The following SPOCK1 variants were observed in gnomAD, a reference collection of about 807,000 sequenced individuals.
SPOCK1 encodes SPARC (osteonectin), cwcv and kazal like domains proteoglycan 1.
In SPOCK1, 23 loss-of-function variants were observed where a neutral mutation model predicts 55.3. That is an observed-to-expected ratio of 0.42 (90% CI 0.30 to 0.59). The LOEUF (loss-of-function observed/expected upper bound fraction) is 0.59, where lower values mean the gene tolerates loss of function less well. SPOCK1 is among the 20% of genes least tolerant of loss of function. The pLI is 0.22. For missense variants in SPOCK1, 499 were observed against 552.5 expected, an observed-to-expected ratio of 0.90 and a Z score of 0.97; for synonymous variants, 226 against 221.0, an observed-to-expected ratio of 1.02 and a Z score of -0.20.
At chr5:137,411,580 T>C (rs1561528543) in intron 2 of SPOCK1, among the ~76,000 whole-genome samples, 1 of 152,202 alleles carries the variant, frequency 6.6e-6, no homozygotes, top group East Asian at 1.9e-4. Context: ...GGAATGCACC[T>C]TGGACTGGAA....
chr5:137,412,442 C>T (rs77893598), intron 2 of SPOCK1, among the ~76,000 whole-genome samples: 1,563 of 152,258 alleles, frequency 0.01, 23 homozygotes, highest in African/African-American at 0.035. Context: ...TAGATGTTTT[C>T]CAAGTAAAAT....
intron 3 of SPOCK1, among the ~76,000 whole-genome samples, chr5:137,215,802 AT>A (rs1755706627): frequency 6.6e-6 from 1 of 152,138 alleles, no homozygotes; most frequent in Admixed American, 6.5e-5. Context: ...ATAACTGCAC[AT>A]TTTTGATCTG....
At chr5:137,368,933 G>T (rs1385853738) in intron 2 of SPOCK1, among the ~76,000 whole-genome samples, 1 of 152,252 alleles carries the variant, frequency 6.6e-6, no homozygotes, top group Non-Finnish European at 1.5e-5. Flanking sequence ...AGCTAGGCAA[G>T]CTGTATTTCA....
At chr5:137,130,501 G>A (rs755885991) in intron 4 of SPOCK1, among the ~76,000 whole-genome samples, 32 of 152,210 alleles carry the variant, frequency 2.1e-4, no homozygotes, top group Non-Finnish European at 4.1e-4. Context: ...TCCTGCTGAA[G>A]CAACTACAGG....
chr5:137,415,495 C>T (rs537423188), intron 2 of SPOCK1, among the ~76,000 whole-genome samples: 23 of 152,338 alleles, frequency 1.5e-4, no homozygotes, highest in African/African-American at 5.5e-4. Context: ...AAGATGACAG[C>T]CAGGTCCTTC....
rs368708083 is a variant in SPOCK1 at position 137,418,581 on chromosome 5, C to T, written c.186+79792G>A. Among the ~76,000 whole-genome samples, 11 of 152,158 alleles carry T rather than the reference C, an allele frequency of 7.2e-5. No homozygotes were observed. In the East Asian group the frequency reaches 7.7e-4, roughly 11 times the overall value. On this transcript the variant is annotated intron_variant, in intron 2 of 10. Transcript: ENST00000394945. ...TGATGATGAGCATTTTTTCATGTGT[C>T]TTTTGGCTGCATGAATGTCTTTTTT... is the stretch of plus-strand genomic sequence containing the variant.
At chr5:137,211,818 T>G (rs1755623392) in intron 3 of SPOCK1, among the ~76,000 whole-genome samples, 1 of 152,126 alleles carries the variant, frequency 6.6e-6, no homozygotes, top group Admixed American at 6.5e-5. Flanking sequence ...ACTTTTGGAT[T>G]GTTGAACACA....
At chr5:137,275,483 C>T (rs7728523) in intron 2 of SPOCK1, among the ~76,000 whole-genome samples, 7,713 of 152,298 alleles carry the variant, frequency 0.051, 662 homozygotes, top group African/African-American at 0.18. Context: ...ACTCTGATGC[C>T]TGGCCCAGGG....
chr5:137,278,412 C>T (rs1284348778), intron 2 of SPOCK1, among the ~76,000 whole-genome samples: 1 of 152,220 alleles, frequency 6.6e-6, no homozygotes, highest in East Asian at 1.9e-4. Context: ...GTAGGCAAGC[C>T]TACCACAAAT....
chr5:137,450,059 T>C (rs72798523), intron 2 of SPOCK1, among the ~76,000 whole-genome samples: 42,753 of 151,864 alleles, frequency 0.28, 6,080 homozygotes, highest in Middle Eastern at 0.36. Flanking sequence ...GGTAGATACC[T>C]CCCAAAAAGG....
At chr5:137,141,662 T>C (rs1276386462) in intron 3 of SPOCK1, among the ~76,000 whole-genome samples, 1 of 152,196 alleles carries the variant, frequency 6.6e-6, no homozygotes, top group Non-Finnish European at 1.5e-5. Flanking sequence ...TGGTGAAGCA[T>C]TAATATGTGA....
chr5:137,162,648 C>T (rs1754581861), intron 3 of SPOCK1, among the ~76,000 whole-genome samples: 1 of 152,108 alleles, frequency 6.6e-6, no homozygotes, highest in South Asian at 2.1e-4. Flanking sequence ...AAGACAGCTT[C>T]CTCCCCTACA....
At chr5:137,001,768 A>C (rs1751159044) in intron 6 of SPOCK1, among the ~76,000 whole-genome samples, 1 of 152,208 alleles carries the variant, frequency 6.6e-6, no homozygotes, top group South Asian at 2.1e-4. Context: ...TCTTCCAAGG[A>C]GCTTCAGGGG....
chr5:137,475,131 A>C (rs1753811058), intron 2 of SPOCK1, among the ~76,000 whole-genome samples: 2 of 152,174 alleles, frequency 1.3e-5, no homozygotes, highest in Non-Finnish European at 2.9e-5. Flanking sequence ...TATGTGATAC[A>C]GTGGGAAGTA....
At chr5:137,212,268 G>A (rs1755631918) in intron 3 of SPOCK1, among the ~76,000 whole-genome samples, 2 of 152,126 alleles carry the variant, frequency 1.3e-5, no homozygotes, top group African/African-American at 4.8e-5. Flanking sequence ...CTAAAGGTGA[G>A]TTATTCTGTA....
chr5:137,283,628 T>G (rs1316522745), intron 2 of SPOCK1, among the ~76,000 whole-genome samples: 26 of 151,772 alleles, frequency 1.7e-4, no homozygotes, highest in Non-Finnish European at 1.5e-5. Flanking sequence ...GACAGGAGAA[T>G]CACTTGAACC....
chr5:137,042,565 G>A (rs946984486), intron 6 of SPOCK1, among the ~76,000 whole-genome samples: 8 of 152,122 alleles, frequency 5.3e-5, no homozygotes, highest in Middle Eastern at 6.3e-3. Context: ...TTTTGGAAAT[G>A]AGTGGAGATT....
chr5:137,063,006 G>A (rs1276948481), intron 6 of SPOCK1, among the ~76,000 whole-genome samples: 3 of 150,300 alleles, frequency 2.0e-5, no homozygotes, highest in Non-Finnish European at 3.0e-5. Context: ...AGGCCGAGGC[G>A]GGTGGATCAT....
At chr5:137,410,713 T>A (rs1467795727) in intron 2 of SPOCK1, among the ~76,000 whole-genome samples, 3 of 152,238 alleles carry the variant, frequency 2.0e-5, no homozygotes, top group Admixed American at 1.3e-4. Flanking sequence ...CCTGTGAGCA[T>A]GAGCTCGAGT....
Sources: allele counts gnomAD v4.1 joint callset (sites outside exome capture counted in the v4.1 genomes callset), GRCh38; gene constraint gnomAD v4.1.1; transcripts MANE v1.5; gene names NCBI Gene and HGNC (gene_info 2026-07-23, HGNC 2026-07-21).